CAPRIN1: variants seen among roughly 807,000 people sequenced by gnomAD.
CAPRIN1 encodes the protein caprin-1.
In CAPRIN1, 29 loss-of-function variants were observed where a neutral mutation model predicts 100.9. The observed-to-expected ratio is 0.29, with a 90% CI of 0.21 to 0.39. The LOEUF (loss-of-function observed/expected upper bound fraction) is 0.39. Ranked by LOEUF, CAPRIN1 falls within the 10% of genes least tolerant of loss-of-function variation. The pLI, the probability that CAPRIN1 is intolerant of heterozygous loss-of-function variation, is 1.00. For synonymous variants in CAPRIN1, 338 were observed against 307.5 expected, an observed-to-expected ratio of 1.10 and a Z score of -1.04; for missense variants, 795 against 876.7, an observed-to-expected ratio of 0.91 and a Z score of 1.18.
chr11:34,055,858 A>C (rs1032108143), intron 2 of CAPRIN1: 1 of 152,208 alleles, frequency 6.6e-6, no homozygotes, highest in Non-Finnish European at 1.5e-5. Flanking sequence ...CTACATGTTA[A>C]GTAGTTAAGT....
chr11:34,057,667 T>C (rs1850480416), intron 2 of CAPRIN1, among the ~76,000 whole-genome samples: 1 of 152,200 alleles, frequency 6.6e-6, no homozygotes, highest in Admixed American at 6.5e-5. Context: ...TATAGCAATT[T>C]TGTCATAGCT....
At chr11:34,091,659 AT>A in intron 14 of CAPRIN1, 56 of 302,726 alleles carry the variant, frequency 1.8e-4, no homozygotes, top group East Asian at 2.8e-4. Flanking sequence ...ATGTCTTTTT[AT>A]TTTTTTTAAT....
At chr11:34,063,895 A>C (rs1489192253) in intron 2 of CAPRIN1, among the ~76,000 whole-genome samples, 1 of 151,818 alleles carries the variant, frequency 6.6e-6, no homozygotes, top group Non-Finnish European at 1.5e-5. Context: ...CACCCTCCCT[A>C]GTAGCTGTGT....
intron 9 of CAPRIN1, among the ~76,000 whole-genome samples, chr11:34,085,632 T>C (rs552110616): frequency 9.0e-4 from 137 of 152,184 alleles, no homozygotes; most frequent in African/African-American, 3.2e-3. Flanking sequence ...TGTGAAACCC[T>C]GTCTCCGCTA....
rs949546653 is a variant in CAPRIN1 at position 34,097,759 on chromosome 11, G to GA, written c.2064dup (p.Gly689ArgfsTer24). ...CAGAGTGGACCACGGGGAGCCCCAC[G>GA]AGGTAATATTTTGTGGTGGTGATCC... On this transcript the variant is annotated frameshift_variant and splice_region_variant, in exon 18 of 19. Transcript: ENST00000341394. LOFTEE classifies it high-confidence loss of function. The GA allele has an allele frequency of 6.2e-7, 1 of 1,613,926 alleles. No homozygotes were observed.
intron 2 of CAPRIN1, among the ~76,000 whole-genome samples, chr11:34,070,769 C>T (rs113727039): frequency 2.0e-4 from 30 of 151,582 alleles, no homozygotes; most frequent in South Asian, 1.0e-3. Context: ...ATGGTGCGAT[C>T]TCGGCTCACC....
chr11:34,076,125 T>A, intron 4 of CAPRIN1, 111 bp from the exon 5 acceptor site: 1 of 680,002 alleles, frequency 1.5e-6, no homozygotes, highest in Non-Finnish European at 2.5e-6. Flanking sequence ...TGTATTGAGG[T>A]CATATCTCAC....
At chr11:34,063,393 A>G (rs1021381121) in intron 2 of CAPRIN1, 4 of 152,240 alleles carry the variant, frequency 2.6e-5, no homozygotes, top group African/African-American at 9.6e-5. Flanking sequence ...CTTTCAATTT[A>G]CAGTTAGGTG....
intron 12 of CAPRIN1, among the ~76,000 whole-genome samples, chr11:34,089,826 A>G (rs1041415293): frequency 1.3e-5 from 2 of 151,654 alleles, no homozygotes; most frequent in African/African-American, 4.9e-5. Context: ...TTGCATTTTA[A>G]ATAATGTATT....
chr11:34,091,876 G>C (rs764591656), intron 14 of CAPRIN1, 30 bp from the exon 15 acceptor site: 32 of 1,586,270 alleles, frequency 2.0e-5, no homozygotes, highest in Non-Finnish European at 2.7e-5. Context: ...ATAAAAGGAT[G>C]AACTAATCAT....
chr11:34,074,282 C>T (rs1314154890), intron 4 of CAPRIN1, among the ~76,000 whole-genome samples: 1 of 151,890 alleles, frequency 6.6e-6, no homozygotes, highest in East Asian at 1.9e-4. Flanking sequence ...AATGAAAATA[C>T]CTGTATCCTT....
At chr11:34,073,610 G>C (rs1352683320) in intron 4 of CAPRIN1, among the ~76,000 whole-genome samples, 2 of 152,044 alleles carry the variant, frequency 1.3e-5, no homozygotes, top group Non-Finnish European at 2.9e-5. Context: ...TTTTAGTAGG[G>C]ATGGGGTTTC....
chr11:34,069,478 C>G (rs1850768684), intron 2 of CAPRIN1, among the ~76,000 whole-genome samples: 1 of 152,036 alleles, frequency 6.6e-6, no homozygotes, highest in Non-Finnish European at 1.5e-5. Context: ...ATAGCCTACC[C>G]TTTAAGCAAA....
chr11:34,055,107 A>G (rs1246818666), intron 2 of CAPRIN1, among the ~76,000 whole-genome samples: 1 of 152,154 alleles, frequency 6.6e-6, no homozygotes, highest in Admixed American at 6.5e-5. Context: ...GTATAGGTGT[A>G]TGTGAATTAC....
intron 18 of CAPRIN1, chr11:34,098,375 G>GT (rs990840008): frequency 2.0e-6 from 2 of 985,098 alleles, no homozygotes; most frequent in South Asian, 4.7e-5. Context: ...GGTTTAGAGA[G>GT]TTTTTTGTTT....
intron 4 of CAPRIN1, among the ~76,000 whole-genome samples, chr11:34,075,804 T>A (rs1267961711): frequency 6.6e-6 from 1 of 152,230 alleles, no homozygotes; most frequent in African/African-American, 2.4e-5. Context: ...TTTTTACTTT[T>A]TATATGCATA....
At chr11:34,064,318 T>C (rs187990397) in intron 2 of CAPRIN1, among the ~76,000 whole-genome samples, 2 of 152,336 alleles carry the variant, frequency 1.3e-5, no homozygotes, top group African/African-American at 4.8e-5. Context: ...TATATTCGCT[T>C]AGTTCATGCT....
chr11:34,096,623 G>C lies in CAPRIN1; in HGVS notation c.1850G>C (p.Gly617Ala). 1 of 1,612,582 alleles carries C rather than the reference G, an allele frequency of 6.2e-7. No individual in the cohort carries two copies. The highest frequency in any genetic ancestry group is 1.1e-5 in the South Asian group (1 of 91,050). The change falls in exon 16 of 19, where the codon GGT becomes GCT. Residue 617 changes from glycine (G) to alanine (A), a missense_variant. By Grantham distance (60) the Gly-to-Ala change is moderately conservative (BLOSUM62 0). Transcript: ENST00000341394. ...GGTGTGTCTCGTGGAGGCTCCCGTG[G>C]TGCTAGAGGCTTGATGAATGGATAC... ...SRGVSRGGSR[G>A]ARGLMNGYRG... is the part of the protein sequence containing the mutation.
chr11:34,063,746 G>T (rs970065606), intron 2 of CAPRIN1, among the ~76,000 whole-genome samples: 4 of 152,168 alleles, frequency 2.6e-5, no homozygotes, highest in Admixed American at 1.3e-4. Context: ...AGTTAGAAAG[G>T]ATCTAAGAGG....
Sources: gnomAD v4.1 joint callset for allele counts (sites outside exome capture counted in the v4.1 genomes callset) on GRCh38, gnomAD v4.1.1 for gene constraint, MANE v1.5 for transcripts, NCBI Gene and HGNC (gene_info 2026-07-23, HGNC 2026-07-21) for gene names.